Variants in KCNIP4 observed in about 807,000 individuals in gnomAD.
KCNIP4 encodes the protein Kv channel-interacting protein 4.
KCNIP4 carries 12 observed loss-of-function variants against 34.0 expected under a neutral mutation model. The observed-to-expected ratio is 0.35, with a 90% CI of 0.23 to 0.57. The LOEUF is 0.57. Ranked by LOEUF, KCNIP4 falls within the 20% of genes least tolerant of loss-of-function variation. The pLI is 0.83. For missense variants in KCNIP4, 238 were observed against 311.7 expected (o/e 0.76, Z 1.78); for synonymous variants, 124 against 102.2 (o/e 1.21, Z -1.29).
chr4:21,805,945 T>A (rs995576451), intron 1 of KCNIP4, among the ~76,000 whole-genome samples: 5 of 152,216 alleles, frequency 3.3e-5, no homozygotes, highest in African/African-American at 1.2e-4. Context: ...ATGAAATGAA[T>A]GTGTCAAGAA....
At chr4:21,372,355 T>TAGAG (rs1720527679) in intron 1 of KCNIP4, among the ~76,000 whole-genome samples, 1 of 141,114 alleles carries the variant, frequency 7.1e-6, no homozygotes, top group Non-Finnish European at 1.5e-5. Flanking sequence ...GTTTGGTGAA[T>TAGAG]AGATAGATAG....
chr4:21,121,823 C>T (rs1431218347), intron 1 of KCNIP4, among the ~76,000 whole-genome samples: 3 of 152,158 alleles, frequency 2.0e-5, no homozygotes, highest in Non-Finnish European at 2.9e-5. Context: ...ATGCAAGGAT[C>T]CCAAAAGCCT....
At chr4:21,547,614 AC>A (rs1207607771) in intron 1 of KCNIP4, among the ~76,000 whole-genome samples, 1 of 152,092 alleles carries the variant, frequency 6.6e-6, no homozygotes, top group Non-Finnish European at 1.5e-5. Context: ...TACCCTATAA[AC>A]TTAAGCATAT....
intron 1 of KCNIP4, among the ~76,000 whole-genome samples, chr4:21,169,857 T>C: frequency 6.6e-6 from 1 of 152,082 alleles, no homozygotes. Context: ...AATCTCTACT[T>C]TGTATTACCT....
intron 2 of KCNIP4, among the ~76,000 whole-genome samples, chr4:20,858,572 C>T (rs1195675209): frequency 3.3e-5 from 5 of 152,160 alleles, no homozygotes; most frequent in African/African-American, 1.2e-4. Context: ...ATTATCATCC[C>T]TATTTTATAA....
At chr4:21,157,022 G>A (rs951313607) in intron 1 of KCNIP4, among the ~76,000 whole-genome samples, 2 of 152,256 alleles carry the variant, frequency 1.3e-5, no homozygotes, top group East Asian at 3.9e-4. Context: ...TTAGGGGAAA[G>A]TATGAAGGCT....
At chr4:21,708,979 T>G (rs1412010270) in intron 1 of KCNIP4, among the ~76,000 whole-genome samples, 1 of 152,200 alleles carries the variant, frequency 6.6e-6, no homozygotes, top group East Asian at 1.9e-4. Context: ...TATTAATTTT[T>G]CTGCAGATTA....
intron 1 of KCNIP4, among the ~76,000 whole-genome samples, chr4:21,455,832 TATATATA>T: frequency 8.1e-6 from 1 of 123,122 alleles, no homozygotes; most frequent in Non-Finnish European, 1.6e-5. Flanking sequence ...TATATATATA[TATATATA>T]TATATATATA....
In KCNIP4 at chr4:20,908,657, A is replaced by T. The variant is rs1023261383; in HGVS notation, c.62-25948T>A. Among the ~76,000 whole-genome samples, 7 of 152,298 alleles carry T rather than the reference A, an allele frequency of 4.6e-5. No homozygotes were observed. The South Asian group carries it at 1.2e-3, about 27-fold the overall frequency. Reference sequence around the variant, plus strand: ...TTGCAACAGAGACCAGGTTCTAGTGACATCTACTCAGTGATGTTTCCCCTG... The same window carrying T: ...TTGCAACAGAGACCAGGTTCTAGTGTCATCTACTCAGTGATGTTTCCCCTG... On this transcript the variant is annotated intron_variant, in intron 1 of 8. Coordinates refer to ENST00000382152, the MANE Select transcript of KCNIP4 (RefSeq NM_025221.6).
At chr4:21,191,315 T>C (rs1449612892) in intron 1 of KCNIP4, among the ~76,000 whole-genome samples, 1 of 152,180 alleles carries the variant, frequency 6.6e-6, no homozygotes, top group Non-Finnish European at 1.5e-5. Flanking sequence ...GGACATTCTA[T>C]TTTAAAGAAA....
At chr4:21,723,728 G>A (rs1451590624) in intron 1 of KCNIP4, among the ~76,000 whole-genome samples, 1 of 152,026 alleles carries the variant, frequency 6.6e-6, no homozygotes, top group East Asian at 1.9e-4. Flanking sequence ...GCTCTTCCTA[G>A]CCTTTAGATC....
chr4:21,906,093 C>T (rs2108974832), intron 1 of KCNIP4, among the ~76,000 whole-genome samples: 1 of 152,276 alleles, frequency 6.6e-6, no homozygotes, highest in Non-Finnish European at 1.5e-5. Flanking sequence ...ATGAGTGTTT[C>T]AGGCTACAGT....
intron 1 of KCNIP4, among the ~76,000 whole-genome samples, chr4:21,784,911 T>A (rs372365790): frequency 2.0e-4 from 31 of 152,210 alleles, no homozygotes; most frequent in African/African-American, 7.5e-4. Flanking sequence ...CATGACCAAG[T>A]GTCATTTCTT....
intron 1 of KCNIP4, among the ~76,000 whole-genome samples, chr4:21,433,536 A>C (rs559330812): frequency 1.6e-4 from 24 of 152,362 alleles, no homozygotes; most frequent in African/African-American, 5.5e-4. Context: ...GAAGAGCTAT[A>C]GCTTCAGCCA....
chr4:21,356,299 C>T (rs144927226), intron 1 of KCNIP4, among the ~76,000 whole-genome samples: 5,545 of 152,122 alleles, frequency 0.036, 238 homozygotes, highest in East Asian at 0.2. Flanking sequence ...CTATTCAACA[C>T]AGTATTGGAA....
chr4:21,165,703 A>T lies in KCNIP4; in HGVS notation c.62-282994T>A, dbSNP rs1404106607. On this transcript the variant is annotated intron_variant, in intron 1 of 8. Transcript: ENST00000382152. Reference sequence around the variant, plus strand: ...ATTAAGTGGGACTCCATTAAATTTGAAAATTCTGGTCTTTTAAAGACACTG... The same window carrying T: ...ATTAAGTGGGACTCCATTAAATTTGTAAATTCTGGTCTTTTAAAGACACTG... Among the ~76,000 whole-genome samples, 8 of 152,320 alleles carry T rather than the reference A, an allele frequency of 5.3e-5. No individual in the cohort carries two copies. The East Asian group carries it at 1.5e-3, about 29-fold the overall frequency.
chr4:21,012,331 C>A (rs550364542), intron 1 of KCNIP4, among the ~76,000 whole-genome samples: 6 of 152,254 alleles, frequency 3.9e-5, no homozygotes, highest in African/African-American at 1.4e-4. Flanking sequence ...GTAATCCCAG[C>A]GCTTTAGGAG....
At position 21,822,858 on chromosome 4, in the gene KCNIP4, CAG is replaced by C. The variant is rs540788021; in HGVS notation, c.61+125711_61+125712del. ...TCAGCCTTCTGAGTAGCTAGGATTACAGGTGCCCACCACCATGCCCAGCTAAT... is the reference window on the plus strand; with the variant it reads ...TCAGCCTTCTGAGTAGCTAGGATTACGTGCCCACCACCATGCCCAGCTAAT... On this transcript the variant is annotated intron_variant, in intron 1 of 8. Coordinates refer to ENST00000382152, the MANE Select transcript of KCNIP4 (RefSeq NM_025221.6). 3.7e-3 allele frequency among the ~76,000 whole-genome samples: 559 copies of C among 151,998 alleles called. 3 individuals carry two copies. Among genetic ancestry groups the C allele is most frequent in the African/African-American group, 0.013 (531 of 41,504 alleles).
At chr4:21,489,586 A>G (rs1489728593) in intron 1 of KCNIP4, among the ~76,000 whole-genome samples, 3 of 152,130 alleles carry the variant, frequency 2.0e-5, no homozygotes, top group Admixed American at 6.6e-5. Context: ...ACAGCTAAGA[A>G]ATTATATCAT....
Sources: gnomAD v4.1 joint callset for allele counts (sites outside exome capture counted in the v4.1 genomes callset) on GRCh38, gnomAD v4.1.1 for gene constraint, MANE v1.5 for transcripts, NCBI Gene and HGNC (gene_info 2026-07-23, HGNC 2026-07-21) for gene names.